AGBL3: variants seen among roughly 807,000 people sequenced by gnomAD.
AGBL3 encodes the protein AGBL carboxypeptidase 3.
In AGBL3, 68 loss-of-function variants were observed where a neutral mutation model predicts 94.5. The ratio of observed to expected loss-of-function variants is 0.72; its 90% CI spans 0.59 to 0.88. AGBL3 has a LOEUF of 0.88. AGBL3 is among the 40% of genes least tolerant of loss of function. The pLI is 0.00. For missense variants in AGBL3, 934 were observed against 1,103.8 expected, an observed-to-expected ratio of 0.85 and a Z score of 2.18; for synonymous variants, 354 against 370.7, an observed-to-expected ratio of 0.95 and a Z score of 0.52.
At chr7:135,080,163 A>C (rs1263549547) in intron 13 of AGBL3, 40 bp from the exon 14 acceptor site, 1 of 1,428,444 alleles carries the variant, frequency 7.0e-7, no homozygotes, top group East Asian at 2.5e-5. Context: ...TTTCATGTTG[A>C]TAAAATAGCA....
At chr7:135,117,794 C>T (rs1300771716) in intron 16 of AGBL3, among the ~76,000 whole-genome samples, 1 of 152,148 alleles carries the variant, frequency 6.6e-6, no homozygotes, top group Non-Finnish European at 1.5e-5. Context: ...CACAATTTGC[C>T]CTTCTCTGGG....
chr7:134,996,103 T>C (rs542467606), intron 4 of AGBL3, among the ~76,000 whole-genome samples: 1 of 152,196 alleles, frequency 6.6e-6, no homozygotes, highest in Non-Finnish European at 1.5e-5. Flanking sequence ...CAGAGCATTC[T>C]TCTGTGTGGC....
At chr7:135,062,211 T>C (rs148489163) in intron 12 of AGBL3, among the ~76,000 whole-genome samples, 2 of 152,214 alleles carry the variant, frequency 1.3e-5, no homozygotes, top group East Asian at 3.9e-4. Context: ...TTATTAATCA[T>C]ACTTTGTATA....
chr7:135,092,544 G>A (rs1462548402), intron 15 of AGBL3: 1 of 152,192 alleles, frequency 6.6e-6, no homozygotes, highest in African/African-American at 2.4e-5. Flanking sequence ...GGTTGTGCCA[G>A]ACACTTGGGT....
intron 16 of AGBL3, among the ~76,000 whole-genome samples, chr7:135,130,040 C>G (rs780436474): frequency 6.6e-6 from 1 of 152,044 alleles, no homozygotes; most frequent in Non-Finnish European, 1.5e-5. Flanking sequence ...ACTTACAGAC[C>G]CTTTGTCTCT....
intron 16 of AGBL3, among the ~76,000 whole-genome samples, chr7:135,132,517 T>C (rs1350445758): frequency 6.6e-6 from 1 of 152,208 alleles, no homozygotes; most frequent in Non-Finnish European, 1.5e-5. Flanking sequence ...GGGATCTTAC[T>C]CAATAAAGTC....
At chr7:135,045,113 G>A (rs1817233194) in intron 9 of AGBL3, among the ~76,000 whole-genome samples, 1 of 151,916 alleles carries the variant, frequency 6.6e-6, no homozygotes, top group South Asian at 2.1e-4. Context: ...AAAGCACTTT[G>A]ATACTGATAT....
At chr7:135,107,288 TA>T (rs1316986191) in intron 15 of AGBL3, among the ~76,000 whole-genome samples, 4 of 152,226 alleles carry the variant, frequency 2.6e-5, no homozygotes, top group Admixed American at 2.0e-4. Flanking sequence ...CTTCTCTAGT[TA>T]TTTTAGTTGT....
chr7:135,063,717 AC>A (rs1443213914), intron 12 of AGBL3, among the ~76,000 whole-genome samples: 1 of 152,162 alleles, frequency 6.6e-6, no homozygotes, highest in Non-Finnish European at 1.5e-5. Flanking sequence ...CTAATTACCT[AC>A]TATGCAGTCA....
At chr7:135,000,318 A>G (rs1811560196) in intron 4 of AGBL3, among the ~76,000 whole-genome samples, 1 of 152,222 alleles carries the variant, frequency 6.6e-6, no homozygotes, top group South Asian at 2.1e-4. Context: ...GGAATAGATT[A>G]GCATTTGAAT....
intron 4 of AGBL3, among the ~76,000 whole-genome samples, chr7:134,997,813 A>C (rs1811199444): frequency 6.6e-6 from 1 of 152,214 alleles, no homozygotes; most frequent in Admixed American, 6.5e-5. Flanking sequence ...CTGCTGAGTT[A>C]ATCATTTACA....
rs190261760 is a variant in AGBL3 at position 135,001,990 on chromosome 7, C to T, written c.310+8312C>T. ...TGATTGCAACACAGCTGCTACTTCA[C>T]ACCATGGGTGGCCCAGTGGCCAAAC... On this transcript the variant is annotated intron_variant, in intron 4 of 16. Transcript: ENST00000436302. Among the ~76,000 whole-genome samples, 5 of 152,314 alleles carry T rather than the reference C, an allele frequency of 3.3e-5. No individual in the cohort carries two copies. The East Asian group carries it at 9.6e-4, about 29-fold the overall frequency.
chr7:134,991,611 C>T (rs559756530), intron 3 of AGBL3, among the ~76,000 whole-genome samples: 4 of 152,172 alleles, frequency 2.6e-5, no homozygotes, highest in African/African-American at 9.6e-5. Context: ...GTACTGAGAA[C>T]GCCTTGATCT....
At chr7:135,074,153 A>G (rs940898244) in intron 12 of AGBL3, among the ~76,000 whole-genome samples, 1 of 152,192 alleles carries the variant, frequency 6.6e-6, no homozygotes, top group African/African-American at 2.4e-5. Context: ...TAATTTCAAA[A>G]TGTATACTTA....
At chr7:135,022,952 A>G (rs1345852203) in intron 5 of AGBL3, among the ~76,000 whole-genome samples, 4 of 152,038 alleles carry the variant, frequency 2.6e-5, no homozygotes, top group South Asian at 2.1e-4. Flanking sequence ...TAATTTGACT[A>G]TATTTTATTA....
At position 135,115,483 on chromosome 7, in the gene AGBL3, T is replaced by A; in HGVS notation, c.2214T>A (p.Asp738Glu). ...WTDDEKRSYKDKGIVQTQEIL... is the reference protein window; with the variant it reads ...WTDDEKRSYKEKGIVQTQEIL... ...ATGATGAAAAAAGAAGCTACAAGGA[T>A]AAAGGAATAGTTCAAACTCAAGAAA... is the stretch of plus-strand genomic sequence containing the variant. The change falls in exon 16 of 17, where the codon GAT (aspartate) becomes GAA (glutamate). Residue 738 changes from aspartate (D) to glutamate (E), a missense_variant. By Grantham distance (45) the Asp-to-Glu change is conservative (BLOSUM62 2). Coordinates refer to ENST00000436302, the MANE Select transcript of AGBL3 (RefSeq NM_178563.4). The A allele has an allele frequency of 6.4e-7, 1 of 1,551,322 alleles. No individual in the cohort carries two copies. Among genetic ancestry groups the A allele is most frequent in the Non-Finnish European group, 8.7e-7 (1 of 1,146,746 alleles).
At chr7:135,002,313 T>G (rs1811816260) in intron 4 of AGBL3, among the ~76,000 whole-genome samples, 2 of 152,152 alleles carry the variant, frequency 1.3e-5, no homozygotes, top group Non-Finnish European at 2.9e-5. Context: ...CCAGTTGTCC[T>G]CTCCTGGTGG....
intron 11 of AGBL3, among the ~76,000 whole-genome samples, chr7:135,053,290 AG>A (rs1226799734): frequency 6.6e-6 from 1 of 152,128 alleles, no homozygotes; most frequent in East Asian, 1.9e-4. Flanking sequence ...GTTAGTGGAA[AG>A]TAGTTAGTAC....
intron 12 of AGBL3, among the ~76,000 whole-genome samples, chr7:135,066,762 C>T (rs1345517213): frequency 6.6e-6 from 1 of 152,130 alleles, no homozygotes; most frequent in African/African-American, 2.4e-5. Context: ...GATTTTAGAG[C>T]CAAGATGGCC....
Sources: allele counts gnomAD v4.1 joint callset (sites outside exome capture counted in the v4.1 genomes callset), GRCh38; gene constraint gnomAD v4.1.1; transcripts MANE v1.5; gene names NCBI Gene and HGNC (gene_info 2026-07-23, HGNC 2026-07-21).